AFF2: variants seen among roughly 807,000 people sequenced by gnomAD.
AFF2 encodes the protein AF4/FMR2 family member 2.
A neutral mutation model predicts 76.9 loss-of-function variants in AFF2; 14 were observed. That is an observed-to-expected ratio of 0.18 (90% CI 0.12 to 0.28). The LOEUF is 0.28. Among genes scored for constraint, AFF2 ranks in the 10% least tolerant of loss-of-function variants. The probability of loss-of-function intolerance (pLI) is 1.00; values close to 1 mark genes in which losing one functional copy is unlikely to be tolerated. For missense variants in AFF2, 868 were observed against 1,001.1 expected (o/e 0.87, Z 1.79); for synonymous variants, 398 against 366.7 (o/e 1.09, Z -0.98).
At chrX:148,520,998 G>A (rs1306441467) in intron 1 of AFF2, among the ~76,000 whole-genome samples, 1 of 112,248 alleles carries the variant, frequency 8.9e-6, no homozygotes, top group African/African-American at 3.2e-5. Context: ...CAGTTTAGTG[G>A]AGCATAAAGA....
chrX:148,977,884 T>C, intron 16 of AFF2, 49 bp from the exon 17 acceptor site: 1 of 949,005 alleles, frequency 1.1e-6, no homozygotes, highest in South Asian at 2.0e-5. Context: ...TTTAGGCATT[T>C]CTGAAGGGTA....
At chrX:148,598,189 C>A (rs1271814484) in intron 1 of AFF2, among the ~76,000 whole-genome samples, 1 of 111,689 alleles carries the variant, frequency 9.0e-6, no homozygotes, top group Non-Finnish European at 1.9e-5. Flanking sequence ...TAAGGCAACT[C>A]ATTTCCAAAG....
chrX:148,893,616 T>C (rs1478246092), intron 8 of AFF2, among the ~76,000 whole-genome samples: 1 of 112,318 alleles, frequency 8.9e-6, no homozygotes, highest in Admixed American at 9.5e-5. Context: ...TTTTCCACAA[T>C]GACCTTAAGT....
At chrX:148,501,384 A>G (rs1468667688) in intron 1 of AFF2, among the ~76,000 whole-genome samples, 3 of 112,373 alleles carry the variant, frequency 2.7e-5, no homozygotes, top group African/African-American at 9.7e-5. Flanking sequence ...CTCCAAGTCT[A>G]AAGAGTTGCA....
intron 7 of AFF2, among the ~76,000 whole-genome samples, chrX:148,851,571 G>A (rs1557275341): frequency 1.8e-5 from 2 of 111,406 alleles, no homozygotes; most frequent in Admixed American, 1.9e-4. Flanking sequence ...AGAGCAATAA[G>A]TGAGAGAAAA....
At chrX:148,599,316 T>G (rs1355061076) in intron 1 of AFF2, among the ~76,000 whole-genome samples, 3 of 112,363 alleles carry the variant, frequency 2.7e-5, no homozygotes, top group East Asian at 5.6e-4. Context: ...GTAAAACAAC[T>G]GGACATCAGA....
chrX:148,901,044 A>G (rs1780899812), intron 8 of AFF2, among the ~76,000 whole-genome samples: 1 of 112,375 alleles, frequency 8.9e-6, no homozygotes, highest in South Asian at 3.7e-4. Context: ...TGCAGCTTCC[A>G]GAGCACTGTT....
chrX:148,950,585 T>C (rs899902363), intron 9 of AFF2, among the ~76,000 whole-genome samples: 13 of 112,004 alleles, frequency 1.2e-4, no homozygotes, highest in African/African-American at 4.2e-4. Context: ...AAAAAGCTGA[T>C]GTACTTCTTC....
At chrX:148,951,223 G>A (rs1026688098) in intron 9 of AFF2, among the ~76,000 whole-genome samples, 9 of 110,669 alleles carry the variant, frequency 8.1e-5, no homozygotes, top group African/African-American at 3.0e-4. Context: ...TAAATCCATG[G>A]AACTTTGATT....
At chrX:148,579,943 C>T (rs908182673) in intron 1 of AFF2, among the ~76,000 whole-genome samples, 7 of 111,336 alleles carry the variant, frequency 6.3e-5, no homozygotes, top group African/African-American at 1.3e-4. Flanking sequence ...GGTAGGTCAG[C>T]GTCTCTTTTG....
chrX:148,870,007 C>T (rs1557277204), intron 7 of AFF2, among the ~76,000 whole-genome samples: 3 of 111,594 alleles, frequency 2.7e-5, no homozygotes, highest in African/African-American at 6.5e-5. Context: ...AGGGCTTCAA[C>T]GTATGAGTTT....
At chrX:148,832,760 G>T (rs1172146328) in intron 4 of AFF2, among the ~76,000 whole-genome samples, 1 of 111,959 alleles carries the variant, frequency 8.9e-6, no homozygotes, top group East Asian at 2.8e-4. Context: ...AAGCCCACAT[G>T]TTGTAAGCAG....
rs782576908 is a variant in AFF2 at position 148,955,792 on chromosome X, C to T, written c.1747C>T (p.Pro583Ser). 2 of 1,211,530 alleles carry T rather than the reference C, an allele frequency of 1.7e-6. No individual in the cohort carries two copies. The highest frequency in any genetic ancestry group is 3.0e-5 in the East Asian group (1 of 33,858). ...GAATGCCAGTCAGGTCCCAGCTGAA[C>T]CCAAAGAAAGGCCTCTCCTCAGTCT... ...KTNASQVPAE[P>S]KERPLLSLIR... The change falls in exon 11 of 21, where the codon CCC becomes TCC. Residue 583 changes from proline (P) to serine (S), a missense_variant. This residue lies in a region of AFF2 where 532 missense variants were observed against 564.2 expected (regional missense o/e 0.94). Transcript: ENST00000370460.
intron 3 of AFF2, among the ~76,000 whole-genome samples, chrX:148,726,301 C>T (rs1262678546): frequency 8.9e-6 from 1 of 111,869 alleles, no homozygotes; most frequent in Non-Finnish European, 1.9e-5. Context: ...GGTCTGGTCA[C>T]ACAGGCCCAC....
intron 3 of AFF2, among the ~76,000 whole-genome samples, chrX:148,712,422 A>G (rs2054978128): frequency 8.9e-6 from 1 of 111,766 alleles, no homozygotes. Context: ...TCCCCTCAAG[A>G]CAGCGAAGAA....
At chrX:148,934,840 T>G (rs2071754144) in intron 9 of AFF2, among the ~76,000 whole-genome samples, 1 of 111,911 alleles carries the variant, frequency 8.9e-6, no homozygotes, top group African/African-American at 3.3e-5. Flanking sequence ...ATCATTGTTA[T>G]TAACTGAAGA....
chrX:148,543,447 C>G (rs1268051185), intron 1 of AFF2, among the ~76,000 whole-genome samples: 1 of 110,989 alleles, frequency 9.0e-6, no homozygotes, highest in African/African-American at 3.3e-5. Flanking sequence ...TCACAACTAC[C>G]CTGGGAGATA....
chrX:148,757,627 A>C (rs2069389768), intron 3 of AFF2, among the ~76,000 whole-genome samples: 1 of 111,546 alleles, frequency 9.0e-6, no homozygotes, highest in Admixed American at 9.5e-5. Context: ...TTGGATCAGC[A>C]AGGACTATTT....
At chrX:148,822,988 C>T (rs782330685) in intron 4 of AFF2, among the ~76,000 whole-genome samples, 3 of 111,424 alleles carry the variant, frequency 2.7e-5, no homozygotes, top group African/African-American at 9.8e-5. Context: ...GGACCTGTTG[C>T]GTTCAGAGGA....
Sources: allele counts gnomAD v4.1 joint callset (sites outside exome capture counted in the v4.1 genomes callset), GRCh38; gene constraint gnomAD v4.1.1; regional missense constraint gnomAD v4.1.1; transcripts MANE v1.5; gene names NCBI Gene and HGNC (gene_info 2026-07-23, HGNC 2026-07-21).